The following TBXAS1 variants were observed in gnomAD, a reference collection of about 807,000 sequenced individuals.
TBXAS1 encodes the protein thromboxane A synthase 1.
A neutral mutation model predicts 60.7 loss-of-function variants in TBXAS1; 48 were observed. That is an observed-to-expected ratio of 0.79 (90% confidence interval 0.63 to 1.01). The LOEUF is 1.01. Ranked by LOEUF, TBXAS1 falls within the 50% of genes least tolerant of loss-of-function variation. TBXAS1 has a pLI of 0.00. For synonymous variants in TBXAS1, 287 were observed against 269.7 expected, an observed-to-expected ratio of 1.06 and a Z score of -0.63; for missense variants, 685 against 686.3, an observed-to-expected ratio of 1.00 and a Z score of 0.02.
intron 5 of TBXAS1, among the ~76,000 whole-genome samples, chr7:139,948,611 T>C (rs1436649022): frequency 6.6e-6 from 1 of 152,214 alleles, no homozygotes; most frequent in Non-Finnish European, 1.5e-5. Context: ...AAATAAAAAT[T>C]ACTCATTATC....
At chr7:139,982,295 C>T (rs1176251451) in intron 9 of TBXAS1, among the ~76,000 whole-genome samples, 1 of 152,228 alleles carries the variant, frequency 6.6e-6, no homozygotes, top group Non-Finnish European at 1.5e-5. Context: ...TAACCTCTCT[C>T]TACTGGCTCT....
rs5761 is a variant in TBXAS1, at chr7:140,007,159, G to T, written c.1203G>T (p.Leu401=). 29 of 1,614,126 alleles carry T rather than the reference G, an allele frequency of 1.8e-5. No individual in the cohort carries two copies. The African/African-American group carries it at 3.7e-4, about 21-fold the overall frequency. The change falls in exon 10 of 13, where the codon CTG becomes CTT. Residue 401 remains leucine (L), a synonymous_variant. Coordinates refer to ENST00000448866, the MANE Select transcript of TBXAS1 (RefSeq NM_001061.7). Reference sequence around the variant, plus strand: ...TGGACATGGTGATTGCAGAGACGCTGAGGATGTACCCGCCAGCTTTCAGGT... The same window carrying T: ...TGGACATGGTGATTGCAGAGACGCTTAGGATGTACCCGCCAGCTTTCAGGT... ...PYLDMVIAET[L]RMYPPAFRFT...
rs1490021988 is a variant in TBXAS1 at position 140,004,261 on chromosome 7, C to T, written c.1135-2830C>T. On this transcript the variant is annotated intron_variant, in intron 9 of 12. Coordinates refer to ENST00000448866, the MANE Select transcript of TBXAS1 (RefSeq NM_001061.7). This position sits in a 1 kb window ranked among gnomAD's most constrained non-coding sequence, Gnocchi z 5.1. The stretch of plus-strand genomic sequence containing the variant: ...AGCCTTTATTCCCAAAGCAGGGGGA[C>T]GTGTCCATCGTGGTACTCAGCGAGC... Among the ~76,000 whole-genome samples the T allele has an allele frequency of 2.0e-5, 3 of 152,152 alleles. No individual in the cohort carries two copies. The highest frequency in any genetic ancestry group is 2.9e-5 in the Non-Finnish European group (2 of 68,028).
chr7:139,816,819 G>T (rs1451642246), intron 4 of TBXAS1, among the ~76,000 whole-genome samples: 1 of 152,114 alleles, frequency 6.6e-6, no homozygotes, highest in Non-Finnish European at 1.5e-5. Context: ...AGTTCTCCAA[G>T]AAATCCTGTC....
chr7:139,811,940 T>C (rs1483483652), intron 4 of TBXAS1, among the ~76,000 whole-genome samples: 3 of 152,204 alleles, frequency 2.0e-5, no homozygotes, highest in Non-Finnish European at 4.4e-5. Flanking sequence ...TTCAGGAGCA[T>C]GCCTGAAGCA....
chr7:139,808,979 T>TAAA (rs11358840), intron 4 of TBXAS1, among the ~76,000 whole-genome samples: 2 of 125,838 alleles, frequency 1.6e-5, no homozygotes, highest in Admixed American at 8.0e-5. Context: ...CAGGTCTTCA[T>TAAA]AAAAAAAAAA....
intron 9 of TBXAS1, among the ~76,000 whole-genome samples, chr7:139,984,080 G>T (rs1244591486): frequency 6.6e-6 from 1 of 152,148 alleles, no homozygotes; most frequent in East Asian, 1.9e-4. Context: ...GGGTATGGAC[G>T]TTGGGCCCAC....
chr7:139,979,046 G>C (rs1485433565), intron 9 of TBXAS1, among the ~76,000 whole-genome samples: 1 of 152,196 alleles, frequency 6.6e-6, no homozygotes, highest in Non-Finnish European at 1.5e-5. Flanking sequence ...ATTTGAATTC[G>C]ATCCTCTGGC....
At chr7:139,930,205 A>G (rs891789426) in intron 4 of TBXAS1, among the ~76,000 whole-genome samples, 2 of 152,122 alleles carry the variant, frequency 1.3e-5, no homozygotes, top group African/African-American at 4.8e-5. Context: ...CCAACTGACC[A>G]ATTTAATAAC....
chr7:139,887,015 G>T (rs373851489), intron 3 of TBXAS1, among the ~76,000 whole-genome samples: 1 of 152,068 alleles, frequency 6.6e-6, no homozygotes, highest in East Asian at 1.9e-4. Flanking sequence ...CCTGAGTTCT[G>T]CCCTGCTCAA....
At chr7:140,006,509 T>A (rs1814089987) in intron 9 of TBXAS1, among the ~76,000 whole-genome samples, 1 of 152,252 alleles carries the variant, frequency 6.6e-6, no homozygotes, top group African/African-American at 2.4e-5. Flanking sequence ...ATGGCCTCTG[T>A]GTTTCGCCTG....
Position 140,020,111 on chromosome 7 carries a change from G to T in TBXAS1, c.*12G>T. The T allele has an allele frequency of 3.7e-6, 6 of 1,613,580 alleles. No homozygotes were observed. Among genetic ancestry groups the T allele is most frequent in the Non-Finnish European group, 5.1e-6 (6 of 1,179,660 alleles). ...TCGTATCCCGCTGACACAGAAGGCT[G>T]CCGGGTGGGGGGAGGGCACCCCCAA... On this transcript the variant is annotated 3_prime_UTR_variant, in exon 13 of 13. Coordinates refer to ENST00000448866, the MANE Select transcript of TBXAS1 (RefSeq NM_001061.7).
chr7:139,932,078 A>G (rs1482189682), intron 4 of TBXAS1, among the ~76,000 whole-genome samples: 1 of 151,336 alleles, frequency 6.6e-6, no homozygotes, highest in East Asian at 1.9e-4. Flanking sequence ...GAGACAGGAG[A>G]ATGGAGTGAA....
Position 139,865,827 on chromosome 7 carries a change from G to A in TBXAS1, c.90-6408G>A, listed in dbSNP as rs1438816285. 2.1e-4 allele frequency among the ~76,000 whole-genome samples: 21 copies of A among 99,344 alleles called. 1 individual carries two copies. Among genetic ancestry groups the A allele is most frequent in the African/African-American group, 8.3e-4 (20 of 24,134 alleles). 65.2% of individuals were successfully genotyped at this position (99,344 alleles called of 152,430 possible). Reference sequence around the variant, plus strand: ...AAGAAGGAAGGAAGGGAGGGAGGGAGGGAGGGGGGAAAGGAAGAAGGAAGG... The same window carrying A: ...AAGAAGGAAGGAAGGGAGGGAGGGAAGGAGGGGGGAAAGGAAGAAGGAAGG... On this transcript the variant is annotated intron_variant, in intron 1 of 12. Coordinates refer to ENST00000448866, the MANE Select transcript of TBXAS1 (RefSeq NM_001061.7).
intron 7 of TBXAS1, 76 bp from the exon 8 acceptor site, chr7:139,957,558 C>T: frequency 6.2e-7 from 1 of 1,606,718 alleles, no homozygotes; most frequent in South Asian, 1.1e-5. Context: ...GCGTTTGCTT[C>T]CCGGGAACAG....
intron 4 of TBXAS1, among the ~76,000 whole-genome samples, chr7:139,922,394 G>A (rs1481438973): frequency 2.6e-5 from 4 of 151,550 alleles, no homozygotes; most frequent in Admixed American, 6.6e-5. Flanking sequence ...GAGCCACCGC[G>A]CCCAGCCGAG....
chr7:139,840,751 G>GTCT (rs1799379275), intron 1 of TBXAS1, among the ~76,000 whole-genome samples: 1 of 152,222 alleles, frequency 6.6e-6, no homozygotes, highest in Non-Finnish European at 1.5e-5. Flanking sequence ...CTAGCGAACA[G>GTCT]AAGCAGGGCC....
chr7:139,954,408 T>C (rs1809673595), intron 6 of TBXAS1, among the ~76,000 whole-genome samples: 2 of 152,234 alleles, frequency 1.3e-5, no homozygotes, highest in African/African-American at 4.8e-5. Context: ...CAGGATCAGA[T>C]GAAATCACAT....
intron 9 of TBXAS1, among the ~76,000 whole-genome samples, chr7:139,991,141 C>G (rs574988663): frequency 1.3e-5 from 2 of 152,270 alleles, no homozygotes; most frequent in East Asian, 3.9e-4. Flanking sequence ...CTAAATGGCA[C>G]GGCTGTGATG....
Sources: gnomAD v4.1 joint callset for allele counts (sites outside exome capture counted in the v4.1 genomes callset) on GRCh38, gnomAD v4.1.1 for gene constraint, Gnocchi (gnomAD v3.1) non-coding constraint, MANE v1.5 for transcripts, NCBI Gene and HGNC (gene_info 2026-07-23, HGNC 2026-07-21) for gene names.